BLTP3B: variants seen among roughly 807,000 people sequenced by gnomAD.
BLTP3B encodes bridge-like lipid transfer protein family member 3B.
At chr12:100,062,385 T>TAG in the BLTP3B span, among the ~76,000 whole-genome samples, 1 of 152,256 alleles carries the variant, frequency 6.6e-6, no homozygotes, top group African/African-American at 2.4e-5. Flanking sequence ...TTGGATCATT[T>TAG]AGTTTTGTTC....
chr12:100,096,904 A>T, the BLTP3B span, among the ~76,000 whole-genome samples: 10 of 152,008 alleles, frequency 6.6e-5, no homozygotes, highest in Non-Finnish European at 1.3e-4. Context: ...ATATAATAAG[A>T]CCTCATCTCT....
chr12:100,102,242 T>TG, the BLTP3B span, among the ~76,000 whole-genome samples: 1 of 151,480 alleles, frequency 6.6e-6, no homozygotes, highest in African/African-American at 2.4e-5. Flanking sequence ...CCCAAGTAAC[T>TG]GGGATTAAAG....
At chr12:100,072,211 G>A in the BLTP3B span, among the ~76,000 whole-genome samples, 27 of 151,810 alleles carry the variant, frequency 1.8e-4, no homozygotes, top group East Asian at 3.9e-4. Flanking sequence ...GCAGTGAGCC[G>A]AGATCGTGCC....
chr12:100,098,391 A>G, the BLTP3B span: 6 of 1,612,208 alleles, frequency 3.7e-6, no homozygotes, highest in Non-Finnish European at 5.1e-6. Context: ...TAAATCTCAA[A>G]TCTCCATGTT....
chr12:100,059,719 T>C, the BLTP3B span: 3 of 1,136,662 alleles, frequency 2.6e-6, no homozygotes, highest in Non-Finnish European at 3.7e-6. Context: ...GGGACTTACA[T>C]GACCACTAAG....
the BLTP3B span, among the ~76,000 whole-genome samples, chr12:100,130,949 C>CATACATAT: frequency 2.0e-5 from 2 of 97,568 alleles, no homozygotes; most frequent in Admixed American, 1.1e-4. Flanking sequence ...TACATACATA[C>CATACATAT]ATATATATAT....
At chr12:100,107,106 G>A in the BLTP3B span, among the ~76,000 whole-genome samples, 1 of 151,826 alleles carries the variant, frequency 6.6e-6, no homozygotes, top group Admixed American at 6.6e-5. Flanking sequence ...TGGCCAACAG[G>A]ATGAAACCCC....
the BLTP3B span, among the ~76,000 whole-genome samples, chr12:100,069,721 G>T: frequency 6.6e-6 from 1 of 152,068 alleles, no homozygotes; most frequent in Non-Finnish European, 1.5e-5. Flanking sequence ...AGGGTGGGAA[G>T]GGGGTGAGGG....
chr12:100,062,710 C>G, the BLTP3B span, among the ~76,000 whole-genome samples: 1 of 152,020 alleles, frequency 6.6e-6, no homozygotes, highest in Non-Finnish European at 1.5e-5. Context: ...GTCTGTAATC[C>G]CAGCGCTTTG....
chr12:100,138,635 T>C, the BLTP3B span, among the ~76,000 whole-genome samples: 4 of 152,320 alleles, frequency 2.6e-5, no homozygotes, highest in East Asian at 7.7e-4. Flanking sequence ...CTTTAAACTA[T>C]ACGATGACTC....
At chr12:100,083,567 T>G in the BLTP3B span, among the ~76,000 whole-genome samples, 1 of 152,154 alleles carries the variant, frequency 6.6e-6, no homozygotes, top group South Asian at 2.1e-4. Flanking sequence ...AGAGCAGATT[T>G]TGAATGCTCC....
chr12:100,056,765 A>G, the BLTP3B span, among the ~76,000 whole-genome samples: 2 of 151,862 alleles, frequency 1.3e-5, no homozygotes, highest in Non-Finnish European at 2.9e-5. Context: ...TTGAACCCGA[A>G]GGCAGAGGTT....
the BLTP3B span, among the ~76,000 whole-genome samples, chr12:100,083,610 T>C: frequency 6.6e-6 from 1 of 152,098 alleles, no homozygotes; most frequent in African/African-American, 2.4e-5. Context: ...AGGTGACGAA[T>C]ATGCTAATTA....
At chr12:100,131,608 C>A in the BLTP3B span, among the ~76,000 whole-genome samples, 1 of 152,110 alleles carries the variant, frequency 6.6e-6, no homozygotes, top group Non-Finnish European at 1.5e-5. Flanking sequence ...AACTGTCAAT[C>A]AAACTATTAG....
the BLTP3B span, among the ~76,000 whole-genome samples, chr12:100,056,448 A>G: frequency 1.3e-5 from 2 of 152,066 alleles, no homozygotes; most frequent in South Asian, 4.1e-4. Context: ...TACATATTAT[A>G]TTATTACTTA....
the BLTP3B span, chr12:100,070,033 C>T: frequency 7.3e-7 from 1 of 1,362,832 alleles, no homozygotes. Context: ...CAGTGTAATA[C>T]AGTGGAGAAA....
the BLTP3B span, among the ~76,000 whole-genome samples, chr12:100,118,147 T>C: frequency 3.5e-3 from 526 of 152,226 alleles, 3 homozygotes; most frequent in African/African-American, 0.012. Context: ...CAAACCCCAA[T>C]TGAAGGACAC....
At chr12:100,041,471 T>A in the BLTP3B span, among the ~76,000 whole-genome samples, 5 of 127,692 alleles carry the variant, frequency 3.9e-5, no homozygotes, top group African/African-American at 6.2e-5. Context: ...GGAGTCTCAC[T>A]CTGTCGCCAG....
the BLTP3B span, chr12:100,057,789 G>C: frequency 6.7e-7 from 1 of 1,499,280 alleles, no homozygotes; most frequent in South Asian, 1.3e-5. Flanking sequence ...ATAGAGAAAA[G>C]AATTCTATCT....
Sources: gnomAD v4.1 joint callset for allele counts (sites outside exome capture counted in the v4.1 genomes callset) on GRCh38, gnomAD v4.1.1 for gene constraint, MANE v1.5 for transcripts, NCBI Gene and HGNC (gene_info 2026-07-23, HGNC 2026-07-21) for gene names.